The following KIAA2013 variants were observed in gnomAD, a reference collection of about 807,000 sequenced individuals.
The protein encoded by KIAA2013 is KIAA2013, also known as uncharacterized protein KIAA2013.
Under a neutral mutation model 39.9 loss-of-function variants are expected in KIAA2013, and 20 were observed. That is an observed-to-expected ratio of 0.50 (90% CI 0.35 to 0.73). KIAA2013 has a LOEUF of 0.73. Ranked by LOEUF, KIAA2013 falls within the 30% of genes least tolerant of loss-of-function variation. The pLI, the probability that KIAA2013 is intolerant of heterozygous loss-of-function variation, is 0.01. For synonymous variants in KIAA2013, 336 were observed against 416.6 expected, an observed-to-expected ratio of 0.81 and a Z score of 2.35; for missense variants, 587 against 856.1, an observed-to-expected ratio of 0.69 and a Z score of 3.92.
At chr1:11,922,554 CT>C in intron 2 of KIAA2013, 81 bp downstream of exon 2, 2 of 1,568,258 alleles carry the variant, frequency 1.3e-6, no homozygotes, top group Non-Finnish European at 1.7e-6. Flanking sequence ...CTCACCCCCC[CT>C]CGCCAGGCTA....
At position 11,925,926 on chromosome 1, in the gene KIAA2013, G is replaced by C; in HGVS notation, c.312C>G (p.Ala104=). ...ANGFLALDVA[A]NRLWVTPGER... ...CCCCGGGAGTCACCCACAGCCGATT[G>C]GCAGCCACGTCCAGGGCCAGGAAGC... The change falls in exon 1 of 3, where the codon GCC becomes GCG. Residue 104 remains alanine (A), a synonymous_variant. Transcript: ENST00000376572. The surrounding 1 kb of genome is among the most constrained non-coding windows in gnomAD (Gnocchi z 5.2). The C allele has an allele frequency of 6.5e-7, 1 of 1,532,186 alleles. No individual in the cohort carries two copies. Among genetic ancestry groups the C allele is most frequent in the Non-Finnish European group, 8.7e-7 (1 of 1,146,838 alleles). 94.9% of individuals were successfully genotyped at this position (1,532,186 alleles called of 1,614,324 possible).
At position 11,920,212 on chromosome 1, in the gene KIAA2013, C is replaced by T. The variant is rs1645466469; in HGVS notation, c.*103G>A. 41 of 1,293,590 alleles carry T rather than the reference C, an allele frequency of 3.2e-5. No homozygotes were observed. Among genetic ancestry groups the T allele is most frequent in the Non-Finnish European group, 4.0e-5 (36 of 888,970 alleles). The allele number at this position is 1,293,590 out of a possible 1,614,324, so 80.1% of individuals were successfully genotyped here. A position where few individuals can be genotyped will look rare whatever the true frequency, so the allele number is the denominator to read the frequency against. On this transcript the variant is annotated 3_prime_UTR_variant, in exon 3 of 3. Coordinates refer to ENST00000376572, the MANE Select transcript of KIAA2013 (RefSeq NM_138346.3). ...GTCACCGGTTTCCCCCAACAAGGCA[C>T]AAAGGGCGGGTGCTTCCAAAGGATC...
In KIAA2013 at chr1:11,922,152, A is replaced by AT. The variant is rs35040868; in HGVS notation, c.1887+483dup. 2.9e-3 allele frequency: 363 copies of AT among 124,440 alleles called. 3 individuals carry two copies. The highest frequency in any genetic ancestry group is 2.8e-3 in the Non-Finnish European group (169 of 61,194). 7.7% of individuals were successfully genotyped at this position (124,440 alleles called of 1,614,324 possible). On this transcript the variant is annotated intron_variant, in intron 2 of 2. Coordinates refer to ENST00000376572, the MANE Select transcript of KIAA2013 (RefSeq NM_138346.3). ...CATGAGCCACCAGGCCCTGCCTCTAATTTTTTTTTTTTTTTTTTTTTTACT... is the reference window on the plus strand; with the variant it reads ...CATGAGCCACCAGGCCCTGCCTCTAATTTTTTTTTTTTTTTTTTTTTTTACT...
In KIAA2013 at chr1:11,925,492, C is replaced by T. The variant is rs1029830902; in HGVS notation, c.746G>A (p.Gly249Asp). The T allele has an allele frequency of 1.2e-6, 2 of 1,607,970 alleles. No individual in the cohort carries two copies. Among genetic ancestry groups the T allele is most frequent in the Non-Finnish European group, 1.7e-6 (2 of 1,177,672 alleles). Residue 249 changes from glycine to aspartate, a missense_variant, in exon 1 of 3, where the codon GGC becomes GAC. Coordinates refer to ENST00000376572, the MANE Select transcript of KIAA2013 (RefSeq NM_138346.3). The surrounding 1 kb of genome is among the most constrained non-coding windows in gnomAD (Gnocchi z 5.2). ...VGDHQFLLYSGRSPPTPTGLV... is the reference protein window; with the variant it reads ...VGDHQFLLYSDRSPPTPTGLV... Reference sequence around the variant, plus strand: ...CCCAGTGGGCGTAGGCGGGGACCGGCCTGAGTAGAGGAGGAACTGATGGTC... The same window carrying T: ...CCCAGTGGGCGTAGGCGGGGACCGGTCTGAGTAGAGGAGGAACTGATGGTC...
rs756622704 is a variant in KIAA2013 at position 11,923,456 on chromosome 1, G to A, written c.1067C>T (p.Thr356Met). Residue 356 changes from threonine (T) to methionine (M), a missense_variant, in exon 2 of 3, where the codon ACG (threonine) becomes ATG (methionine). By Grantham distance (81) the Thr-to-Met change is moderately conservative. Transcript: ENST00000376572. This position sits in a 1 kb window ranked among gnomAD's most constrained non-coding sequence, Gnocchi z 4.6. ...CAGGTTCACGGTGAGGCCAGACGGC[G>A]TGTGGGTGTCAGTGATCTTCTTCAT... Reference protein sequence around the residue: ...VEMKKITDTHTPSGLTVNLTL... With the variant: ...VEMKKITDTHMPSGLTVNLTL... 12 of 1,608,800 alleles carry A rather than the reference G, an allele frequency of 7.5e-6. No homozygotes were observed. In the East Asian group the frequency reaches 8.9e-5, roughly 12 times the overall value.
intron 1 of KIAA2013, among the ~76,000 whole-genome samples, chr1:11,924,943 G>GA (rs1490326960): frequency 6.6e-6 from 1 of 152,120 alleles, no homozygotes; most frequent in Non-Finnish European, 1.5e-5. Context: ...ACAAGTAACA[G>GA]AAAGAATTGA....
At chr1:11,920,579 G>T (rs1263472752) in intron 2 of KIAA2013, among the ~76,000 whole-genome samples, 1 of 152,152 alleles carries the variant, frequency 6.6e-6, no homozygotes, top group Admixed American at 6.5e-5. Flanking sequence ...AGGTAGTTTG[G>T]CTCATTTGCC....
At position 11,925,386 on chromosome 1, in the gene KIAA2013, C is replaced by T. The variant is rs546313864; in HGVS notation, c.852G>A (p.Thr284=). The T allele has an allele frequency of 2.9e-5, 47 of 1,613,786 alleles. No homozygotes were observed. The Admixed American group carries it at 7.8e-4, about 27-fold the overall frequency. The change falls in exon 1 of 3, where the codon ACG becomes ACA. Residue 284 remains threonine (T), a synonymous_variant. Coordinates refer to ENST00000376572, the MANE Select transcript of KIAA2013 (RefSeq NM_138346.3). The surrounding 1 kb of genome is among the most constrained non-coding windows in gnomAD (Gnocchi z 5.2). ...CAGAGACGTGCACCACCCACAGCAC[C>T]GTCTCATCCAGCTGCGTCTTGGGAG... is the stretch of plus-strand genomic sequence containing the variant. ...QVAPKTQLDE[T]VLWVVHVSGP...
intron 2 of KIAA2013, 31 bp downstream of exon 2, chr1:11,922,605 C>T (rs763830984): frequency 6.2e-7 from 1 of 1,609,098 alleles, no homozygotes; most frequent in Non-Finnish European, 8.5e-7. Flanking sequence ...AGGCCAAGGC[C>T]TCGGGTTTCG....
intron 2 of KIAA2013, among the ~76,000 whole-genome samples, chr1:11,921,213 G>A (rs9659237): frequency 0.1 from 15,866 of 152,162 alleles, 879 homozygotes; most frequent in Non-Finnish European, 0.12. Context: ...ACAGAAGGCC[G>A]GGCGGCAGGG....
In KIAA2013 at chr1:11,923,107, G is replaced by A. The variant is rs182565656; in HGVS notation, c.1416C>T (p.Ala472=). The A allele has an allele frequency of 2.2e-5, 36 of 1,609,526 alleles. No homozygotes were observed. The Middle Eastern group carries it at 1.2e-3, about 52-fold the overall frequency. ...AGCTGTTGTGCAGCACGTCGGGGTCGGCCTGGAACTGGAGGTGGTTCTCTG... is the reference window on the plus strand; with the variant it reads ...AGCTGTTGTGCAGCACGTCGGGGTCAGCCTGGAACTGGAGGTGGTTCTCTG... The part of the protein sequence containing the change: ...QFTENHLQFQ[A]DPDVLHNSYA... Residue 472 remains alanine, a synonymous_variant, in exon 2 of 3, where the codon GCC becomes GCT. Transcript: ENST00000376572. The surrounding 1 kb of genome is among the most constrained non-coding windows in gnomAD (Gnocchi z 4.6).
At position 11,923,160 on chromosome 1, in the gene KIAA2013, C is replaced by G; in HGVS notation, c.1363G>C (p.Val455Leu). ...AACTGCAGCCCCCCAAAGCTGAGCA[C>G]CATCCCCTGCAGGATGCCTGGGGCA... ...VGAPGILQGM[V>L]LSFGGLQFTE... Residue 455 changes from valine to leucine, a missense_variant, in exon 2 of 3, where the codon GTG (valine) becomes CTG (leucine). By Grantham distance (32) the Val-to-Leu change is conservative. Transcript: ENST00000376572. The surrounding 1 kb of genome is among the most constrained non-coding windows in gnomAD (Gnocchi z 4.6). The G allele has an allele frequency of 3.7e-6, 6 of 1,613,362 alleles. No individual in the cohort carries two copies. The highest frequency in any genetic ancestry group is 5.1e-6 in the Non-Finnish European group (6 of 1,179,640).
Position 11,925,148 on chromosome 1 carries a change from C to A in KIAA2013, c.1033+57G>T. 1 of 1,475,236 alleles carries A rather than the reference C, an allele frequency of 6.8e-7. No individual in the cohort carries two copies. The highest frequency in any genetic ancestry group is 9.1e-7 in the Non-Finnish European group (1 of 1,100,240). The allele number at this position is 1,475,236 out of a possible 1,614,324, so 91.4% of individuals were successfully genotyped here. A position where few individuals can be genotyped will look rare whatever the true frequency, so the allele number is the denominator to read the frequency against. On this transcript the variant is annotated intron_variant, in intron 1 of 2. Transcript: ENST00000376572. This position sits in a 1 kb window ranked among gnomAD's most constrained non-coding sequence, Gnocchi z 5.2. ...ACCCCACCATCACCTTCAGTGTCAC[C>A]TCTGCAGACTTGGGAGGGACATATC... is the stretch of plus-strand genomic sequence containing the variant.
At chr1:11,921,511 T>C (rs915455670) in intron 2 of KIAA2013, among the ~76,000 whole-genome samples, 1 of 151,992 alleles carries the variant, frequency 6.6e-6, no homozygotes, top group Non-Finnish European at 1.5e-5. Context: ...TAGGGGCTTG[T>C]TGCAGTTATT....
In KIAA2013 at chr1:11,922,617, C is replaced by A. The variant is rs1023165673; in HGVS notation, c.1887+19G>T. On this transcript the variant is annotated intron_variant, in intron 2 of 2. Coordinates refer to ENST00000376572, the MANE Select transcript of KIAA2013 (RefSeq NM_138346.3). The stretch of plus-strand genomic sequence containing the variant: ...GCAAGGCCAAGGCCTCGGGTTTCGA[C>A]CAGATGGCGGCTTCCTACCTTACTC... 6.2e-7 allele frequency: 1 copy of A among 1,611,742 alleles called. No homozygotes were observed. The highest frequency in any genetic ancestry group is 8.5e-7 in the Non-Finnish European group (1 of 1,179,094).
In KIAA2013 at chr1:11,925,076, T is replaced by C. The variant is rs1645497626; in HGVS notation, c.1033+129A>G. On this transcript the variant is annotated intron_variant, in intron 1 of 2. Coordinates refer to ENST00000376572, the MANE Select transcript of KIAA2013 (RefSeq NM_138346.3). The surrounding 1 kb of genome is among the most constrained non-coding windows in gnomAD (Gnocchi z 5.2). ...CAAAGGTCGCACAGACACTAAGCAG[T>C]TGAGCAGATTCAACCACTGGTGAAA... 4 of 793,834 alleles carry C rather than the reference T, an allele frequency of 5.0e-6. No homozygotes were observed. In the African/African-American group the frequency reaches 5.2e-5, roughly 10 times the overall value. 49.2% of individuals were successfully genotyped at this position (793,834 alleles called of 1,614,324 possible). A position where few individuals can be genotyped will look rare whatever the true frequency, so the allele number is the denominator to read the frequency against.
chr1:11,925,254 C>A lies in KIAA2013; in HGVS notation c.984G>T (p.Ala328=), dbSNP rs142625051. ...GGAGCTGGTGGTCTTGAAGCAGCTC[C>A]GCCGCTGGCATGTCCAAGAGCTCCA... ...EMLELLDMPA[A]ELLQDHQLLW... Residue 328 remains alanine, a synonymous_variant, in exon 1 of 3, where the codon GCG becomes GCT. Transcript: ENST00000376572. The surrounding 1 kb of genome is among the most constrained non-coding windows in gnomAD (Gnocchi z 5.2). 28 of 1,608,088 alleles carry A rather than the reference C, an allele frequency of 1.7e-5. No individual in the cohort carries two copies. The highest frequency in any genetic ancestry group is 2.4e-5 in the Non-Finnish European group (28 of 1,176,732).
chr1:11,926,048 C>T lies in KIAA2013; in HGVS notation c.190G>A (p.Ala64Thr). ...RGEPGAAEPS[A>T]CLEAATRAWR... ...GCGCGGGTGGCCGCCTCCAGGCAGGCAGACGGCTCGGCGGCGCCCGGCTCA... is the reference window on the plus strand; with the variant it reads ...GCGCGGGTGGCCGCCTCCAGGCAGGTAGACGGCTCGGCGGCGCCCGGCTCA... The change falls in exon 1 of 3, where the codon GCC becomes ACC. Residue 64 changes from alanine (A) to threonine (T), a missense_variant. By Grantham distance (58) the Ala-to-Thr change is moderately conservative. Coordinates refer to ENST00000376572, the MANE Select transcript of KIAA2013 (RefSeq NM_138346.3). The T allele has an allele frequency of 6.7e-7, 1 of 1,487,136 alleles. No homozygotes were observed. Among genetic ancestry groups the T allele is most frequent in the African/African-American group, 1.5e-5 (1 of 68,284 alleles). The allele number at this position is 1,487,136 out of a possible 1,614,324, so 92.1% of individuals were successfully genotyped here. A position where few individuals can be genotyped will look rare whatever the true frequency, so the allele number is the denominator to read the frequency against.
At chr1:11,924,170 T>C (rs886350435) in intron 1 of KIAA2013, among the ~76,000 whole-genome samples, 34 of 152,116 alleles carry the variant, frequency 2.2e-4, no homozygotes, top group African/African-American at 7.0e-4. Flanking sequence ...TCTGTGAAGA[T>C]GACCATCCTC....
Sources: gnomAD v4.1 joint callset for allele counts (sites outside exome capture counted in the v4.1 genomes callset) on GRCh38, gnomAD v4.1.1 for gene constraint, Gnocchi (gnomAD v3.1) non-coding constraint, MANE v1.5 for transcripts, NCBI Gene and HGNC (gene_info 2026-07-23, HGNC 2026-07-21) for gene names.